The following MARCHF3 variants were observed in gnomAD, a reference collection of about 807,000 sequenced individuals.
The protein encoded by MARCHF3 is E3 ubiquitin-protein ligase MARCHF3.
Under a neutral mutation model 24.2 loss-of-function variants are expected in MARCHF3, and 13 were observed. The observed-to-expected ratio is 0.54, with a 90% CI of 0.35 to 0.85. MARCHF3 has a LOEUF of 0.85. Among genes scored for constraint, MARCHF3 ranks in the 40% least tolerant of loss-of-function variants. The probability of loss-of-function intolerance (pLI) is 0.01; values close to 1 mark genes in which losing one functional copy is unlikely to be tolerated. For synonymous variants in MARCHF3, 144 were observed against 137.3 expected (o/e 1.05, Z -0.34); for missense variants, 276 against 325.0 (o/e 0.85, Z 1.16).
chr5:126,947,200 A>G (rs1170202030), intron 1 of MARCHF3, among the ~76,000 whole-genome samples: 1 of 152,170 alleles, frequency 6.6e-6, no homozygotes, highest in African/African-American at 2.4e-5. Flanking sequence ...TGCAACTGGC[A>G]CTAGATTAGC....
At chr5:127,005,141 T>TC (rs58465624) in intron 1 of MARCHF3, among the ~76,000 whole-genome samples, 1,695 of 146,240 alleles carry the variant, frequency 0.012, 36 homozygotes, top group East Asian at 0.069. Flanking sequence ...GTCTTTTTTT[T>TC]TTTTTTTTTT....
chr5:126,873,849 C>A (rs1033721589), intron 4 of MARCHF3, among the ~76,000 whole-genome samples: 7 of 152,184 alleles, frequency 4.6e-5, no homozygotes, highest in Non-Finnish European at 1.0e-4. Context: ...AAGTTGAGCA[C>A]AACGCCAAGG....
At chr5:126,904,123 T>C (rs1366725378) in intron 3 of MARCHF3, among the ~76,000 whole-genome samples, 1 of 150,238 alleles carries the variant, frequency 6.7e-6, no homozygotes, top group Non-Finnish European at 1.5e-5. Context: ...TTCATCCACG[T>C]CCCTACAAAG....
At chr5:126,960,905 G>A (rs1750618179) in intron 1 of MARCHF3, among the ~76,000 whole-genome samples, 1 of 152,030 alleles carries the variant, frequency 6.6e-6, no homozygotes, top group Non-Finnish European at 1.5e-5. Flanking sequence ...ATGTAATTGT[G>A]ATTTAGAAAA....
chr5:126,962,897 C>T (rs1295046805), intron 1 of MARCHF3, among the ~76,000 whole-genome samples: 1 of 150,624 alleles, frequency 6.6e-6, no homozygotes, highest in Non-Finnish European at 1.5e-5. Flanking sequence ...AATAATAAAA[C>T]AAATATGCAC....
chr5:126,937,872 G>A (rs370115397), intron 1 of MARCHF3, among the ~76,000 whole-genome samples: 1 of 152,150 alleles, frequency 6.6e-6, no homozygotes, highest in South Asian at 2.1e-4. Context: ...GTTATGACAA[G>A]CATATTCCAC....
intron 3 of MARCHF3, chr5:126,898,999 TTC>T (rs199715149): frequency 0.014 from 14,190 of 985,174 alleles, 287 homozygotes; most frequent in South Asian, 0.11. Flanking sequence ...AGCATATTAT[TTC>T]TCTTTCGTGT....
At chr5:126,876,570 A>G (rs1031704815) in intron 4 of MARCHF3, among the ~76,000 whole-genome samples, 1 of 152,038 alleles carries the variant, frequency 6.6e-6, no homozygotes, top group African/African-American at 2.4e-5. Flanking sequence ...TCTTATTTCT[A>G]ACCCTCCTCC....
At chr5:126,910,549 T>C (rs1331052251) in intron 3 of MARCHF3, among the ~76,000 whole-genome samples, 3 of 152,252 alleles carry the variant, frequency 2.0e-5, no homozygotes, top group East Asian at 3.8e-4. Flanking sequence ...GAAGATTTCA[T>C]GGACATTTAT....
chr5:126,870,593 C>G lies in MARCHF3; in HGVS notation c.*40G>C. The G allele has an allele frequency of 6.2e-7, 1 of 1,603,198 alleles. No homozygotes were observed. On this transcript the variant is annotated 3_prime_UTR_variant, in exon 5 of 5. Coordinates refer to ENST00000308660, the MANE Select transcript of MARCHF3 (RefSeq NM_178450.5). ...GACCCCAGTGCAGACACTTCCAAAC[C>G]CCAAACAATGAATCAAACAACCAAC... is the stretch of plus-strand genomic sequence containing the variant.
intron 3 of MARCHF3, among the ~76,000 whole-genome samples, chr5:126,889,984 G>T (rs1382479938): frequency 6.6e-6 from 1 of 151,972 alleles, no homozygotes; most frequent in African/African-American, 2.4e-5. Context: ...CTCACATCTA[G>T]ATTAGTAGCA....
chr5:126,987,974 T>A (rs1193552350), intron 1 of MARCHF3, among the ~76,000 whole-genome samples: 2 of 152,120 alleles, frequency 1.3e-5, no homozygotes, highest in Non-Finnish European at 2.9e-5. Flanking sequence ...GGAAGCCGCA[T>A]GAGGGACATA....
intron 3 of MARCHF3, chr5:126,898,987 A>G: frequency 1.0e-6 from 1 of 985,142 alleles, no homozygotes; most frequent in Non-Finnish European, 1.2e-6. Context: ...AAAAGCTTCA[A>G]AAGCATATTA....
At chr5:126,984,335 C>T (rs562644595) in intron 1 of MARCHF3, among the ~76,000 whole-genome samples, 2 of 152,218 alleles carry the variant, frequency 1.3e-5, no homozygotes, top group Non-Finnish European at 2.9e-5. Context: ...AGGACAGGCA[C>T]CCCTTCTACA....
At position 126,931,085 on chromosome 5, in the gene MARCHF3, A is replaced by T. The variant is rs1293513548; in HGVS notation, c.-56-12858T>A. ...GAGTGTAGAATAGCAAAGCAGTGAA[A>T]GAACAAATAATGTAGGGGTGGACTC... On this transcript the variant is annotated intron_variant, in intron 1 of 4. Coordinates refer to ENST00000308660, the MANE Select transcript of MARCHF3 (RefSeq NM_178450.5). Among the ~76,000 whole-genome samples, 4 of 152,366 alleles carry T rather than the reference A, an allele frequency of 2.6e-5. No homozygotes were observed. In the East Asian group the frequency reaches 7.7e-4, roughly 29 times the overall value.
intron 4 of MARCHF3, 108 bp from the exon 5 acceptor site, chr5:126,870,899 G>A: frequency 7.0e-7 from 1 of 1,438,130 alleles, no homozygotes; most frequent in Non-Finnish European, 9.4e-7. Flanking sequence ...AGAGCTGGAA[G>A]CACTATGGCA....
chr5:127,026,896 C>A (rs982387971), intron 1 of MARCHF3, among the ~76,000 whole-genome samples: 1 of 152,224 alleles, frequency 6.6e-6, no homozygotes, highest in African/African-American at 2.4e-5. Context: ...AAGTTTAATA[C>A]CCTGGCCTAT....
rs1421072190 is a variant in MARCHF3, at chr5:126,869,774, CTTTTCCTTT to C, written c.*850_*858del. 6.6e-6 allele frequency: 1 copy of C among 152,200 alleles called. No homozygotes were observed. Among genetic ancestry groups the C allele is most frequent in the Non-Finnish European group, 1.5e-5 (1 of 67,932 alleles). The allele number at this position is 152,200 out of a possible 1,614,324, so 9.4% of individuals were successfully genotyped here. A position where few individuals can be genotyped will look rare whatever the true frequency, so the allele number is the denominator to read the frequency against. On this transcript the variant is annotated 3_prime_UTR_variant, in exon 5 of 5. Transcript: ENST00000308660. ...GGGAGTGAGAACAGCAACCTTTTTG[CTTTTCCTTT>C]TTTTCCTTTTAAAACCTGCTTTGGG...
chr5:126,897,056 T>TTTTTTTTTTTTTTTTTTTGTTTG (rs70997319), intron 3 of MARCHF3, among the ~76,000 whole-genome samples: 1 of 148,948 alleles, frequency 6.7e-6, no homozygotes, highest in African/African-American at 2.5e-5. Flanking sequence ...TTTTTTTTTT[T>TTTTTTTTTTTTTTTTTTTGTTTG]GAGATGGAGT....
Sources: gnomAD v4.1 joint callset for allele counts (sites outside exome capture counted in the v4.1 genomes callset) on GRCh38, gnomAD v4.1.1 for gene constraint, MANE v1.5 for transcripts, NCBI Gene and HGNC (gene_info 2026-07-23, HGNC 2026-07-21) for gene names.